Variants in LINGO2 observed in about 807,000 individuals in gnomAD.
LINGO2 encodes the protein leucine-rich repeat and immunoglobulin-like domain-containing nogo receptor-interacting protein 2.
Under a neutral mutation model 30.6 loss-of-function variants are expected in LINGO2, and 14 were observed. The ratio of observed to expected loss-of-function variants is 0.46; its 90% confidence interval spans 0.30 to 0.72. LINGO2 has a LOEUF of 0.72. Ranked by LOEUF, LINGO2 falls within the 30% of genes least tolerant of loss-of-function variation. The pLI is 0.07. For synonymous variants in LINGO2, 317 were observed against 288.5 expected, an observed-to-expected ratio of 1.10 and a Z score of -1.00; for missense variants, 729 against 751.7, an observed-to-expected ratio of 0.97 and a Z score of 0.35.
At chr9:29,103,141 C>T in the LINGO2 span, among the ~76,000 whole-genome samples, 1 of 152,100 alleles carries the variant, frequency 6.6e-6, no homozygotes. Context: ...ATTCACAGCA[C>T]CACCACCAGC....
At chr9:28,484,057 T>G (rs2135236398) in intron 1 of LINGO2, among the ~76,000 whole-genome samples, 1 of 152,222 alleles carries the variant, frequency 6.6e-6, no homozygotes, top group African/African-American at 2.4e-5. Context: ...GGGGTTCTAG[T>G]GTCAGCAACA....
the LINGO2 span, among the ~76,000 whole-genome samples, chr9:28,817,142 G>A: frequency 6.6e-6 from 1 of 152,126 alleles, no homozygotes; most frequent in Admixed American, 6.5e-5. Context: ...TCAAAGAAAT[G>A]GAAAGTTATC....
chr9:28,021,431 G>T (rs1823115781), intron 4 of LINGO2, among the ~76,000 whole-genome samples: 1 of 152,070 alleles, frequency 6.6e-6, no homozygotes, highest in African/African-American at 2.4e-5. Flanking sequence ...TTTGGTGAAT[G>T]CTCCACGTGA....
intron 4 of LINGO2, among the ~76,000 whole-genome samples, chr9:28,123,427 C>G (rs1827154079): frequency 2.6e-5 from 4 of 152,120 alleles, no homozygotes; most frequent in African/African-American, 9.7e-5. Flanking sequence ...CTTTCCTTTT[C>G]TCTCAGTTGT....
chr9:28,660,836 A>C (rs1211867519), intron 1 of LINGO2, among the ~76,000 whole-genome samples: 1 of 152,188 alleles, frequency 6.6e-6, no homozygotes, highest in Non-Finnish European at 1.5e-5. Context: ...TTTTAGATGA[A>C]TATAGAATGT....
chr9:28,034,696 C>T (rs1254914543), intron 4 of LINGO2, among the ~76,000 whole-genome samples: 1 of 152,092 alleles, frequency 6.6e-6, no homozygotes, highest in Non-Finnish European at 1.5e-5. Context: ...TAGTTAATGA[C>T]CTGTCATGTT....
At chr9:28,138,844 T>C (rs1827595403) in intron 4 of LINGO2, among the ~76,000 whole-genome samples, 1 of 152,208 alleles carries the variant, frequency 6.6e-6, no homozygotes, top group African/African-American at 2.4e-5. Context: ...ACGCAAGACC[T>C]TCCCCTACAC....
At chr9:27,956,968 A>G (rs10968226) in intron 5 of LINGO2, among the ~76,000 whole-genome samples, 40,030 of 152,014 alleles carry the variant, frequency 0.26, 5,867 homozygotes, top group Middle Eastern at 0.44. Flanking sequence ...GGTGGCATGC[A>G]TCTGTATTCC....
chr9:28,024,985 G>A (rs566962079), intron 4 of LINGO2, among the ~76,000 whole-genome samples: 5 of 152,060 alleles, frequency 3.3e-5, no homozygotes, highest in South Asian at 2.1e-4. Flanking sequence ...CCTAGCACCC[G>A]GGCGAGATCA....
At chr9:28,475,477 CTA>C (rs1254805324) in intron 2 of LINGO2, among the ~76,000 whole-genome samples, 2 of 151,948 alleles carry the variant, frequency 1.3e-5, no homozygotes, top group Non-Finnish European at 2.9e-5. Flanking sequence ...GTAATTATGA[CTA>C]TTAATTTTAG....
chr9:28,149,034 C>A, intron 4 of LINGO2: 2 of 1,534,452 alleles, frequency 1.3e-6, no homozygotes, highest in Non-Finnish European at 1.7e-6. Flanking sequence ...GACGAGGGGC[C>A]CCCACCGGCT....
At chr9:28,797,355 T>TAGAGAGAG in the LINGO2 span, among the ~76,000 whole-genome samples, 594 of 59,122 alleles carry the variant, frequency 0.01, 1 homozygote, top group East Asian at 0.018. Flanking sequence ...TATATATATA[T>TAGAGAGAG]ATATAGAGAG....
intron 1 of LINGO2, among the ~76,000 whole-genome samples, chr9:28,531,708 T>C (rs1258243678): frequency 2.6e-5 from 4 of 152,162 alleles, no homozygotes; most frequent in Non-Finnish European, 5.9e-5. Flanking sequence ...TTCACTTTAT[T>C]TGTATTAACA....
chr9:29,181,993 G>A, the LINGO2 span, among the ~76,000 whole-genome samples: 3 of 152,102 alleles, frequency 2.0e-5, no homozygotes, highest in African/African-American at 7.2e-5. Context: ...ACACCCCCTG[G>A]AGCTGCATAG....
intron 4 of LINGO2, among the ~76,000 whole-genome samples, chr9:28,288,738 C>T (rs371404799): frequency 3.2e-4 from 48 of 152,144 alleles, no homozygotes; most frequent in African/African-American, 1.0e-3. Context: ...GAATCAGCTG[C>T]CTCACTAAAT....
At chr9:28,364,536 C>G (rs1012608258) in intron 3 of LINGO2, among the ~76,000 whole-genome samples, 1 of 152,174 alleles carries the variant, frequency 6.6e-6, no homozygotes, top group Non-Finnish European at 1.5e-5. Context: ...ATATAGCTCT[C>G]TAATCTTCCT....
At chr9:28,376,686 T>C (rs549730941) in intron 2 of LINGO2, among the ~76,000 whole-genome samples, 3 of 152,162 alleles carry the variant, frequency 2.0e-5, no homozygotes, top group Non-Finnish European at 2.9e-5. Context: ...TATAAATACA[T>C]TGATCCCAAG....
chr9:28,900,040 C>T, the LINGO2 span, among the ~76,000 whole-genome samples: 1 of 152,226 alleles, frequency 6.6e-6, no homozygotes, highest in Non-Finnish European at 1.5e-5. Flanking sequence ...TCAGACCTAG[C>T]TTCTAGGCCA....
chr9:28,708,665 C>T, the LINGO2 span, among the ~76,000 whole-genome samples: 9 of 152,008 alleles, frequency 5.9e-5, no homozygotes, highest in Admixed American at 2.0e-4. Flanking sequence ...CCTATGTACA[C>T]GGTGCTTCTT....
Sources: allele counts gnomAD v4.1 joint callset (sites outside exome capture counted in the v4.1 genomes callset), GRCh38; gene constraint gnomAD v4.1.1; transcripts MANE v1.5; gene names NCBI Gene and HGNC (gene_info 2026-07-23, HGNC 2026-07-21).